Variants in AKT3 observed in about 807,000 individuals in gnomAD.
AKT3 encodes the protein AKT serine/threonine kinase 3.
A neutral mutation model predicts 65.3 loss-of-function variants in AKT3; 15 were observed. The observed-to-expected ratio is 0.23, with a 90% confidence interval of 0.15 to 0.35. The LOEUF (loss-of-function observed/expected upper bound fraction) is 0.35, where lower values mean the gene tolerates loss of function less well. Among genes scored for constraint, AKT3 ranks in the 10% least tolerant of loss-of-function variants. The pLI is 1.00. For synonymous variants in AKT3, 206 were observed against 183.8 expected (o/e 1.12, Z -0.98); for missense variants, 243 against 576.5 (o/e 0.42, Z 5.92).
rs569786537 is a variant in AKT3, at chr1:243,837,989, TTAAAC to T, written c.46+5131_46+5135del. 5.0e-3 allele frequency among the ~76,000 whole-genome samples: 765 copies of T among 152,270 alleles called. 12 individuals carry two copies. Among genetic ancestry groups the T allele is most frequent in the Non-Finnish European group, 5.6e-3 (382 of 68,004 alleles). ...ACTTGACCATCTATGTAGAAAATCT[TTAAAC>T]TAACATTAATAAGTGAATTTCATGA... On this transcript the variant is annotated intron_variant, in intron 2 of 13. Transcript: ENST00000673466.
At chr1:243,846,114 C>T (rs1695511004) in intron 1 of AKT3, among the ~76,000 whole-genome samples, 1 of 152,072 alleles carries the variant, frequency 6.6e-6, no homozygotes, top group African/African-American at 2.4e-5. Context: ...AGTTCATGTC[C>T]TCAAAAGTTT....
intron 13 of AKT3, among the ~76,000 whole-genome samples, chr1:243,492,190 A>G (rs1666605217): frequency 6.7e-6 from 1 of 149,066 alleles, no homozygotes; most frequent in African/African-American, 2.5e-5. Flanking sequence ...TAGCTGCCAC[A>G]TGGATGCTTT....
At chr1:243,506,337 CTT>C (rs1190530746) in intron 13 of AKT3, among the ~76,000 whole-genome samples, 1 of 152,166 alleles carries the variant, frequency 6.6e-6, no homozygotes, top group African/African-American at 2.4e-5. Context: ...ATACTCAACC[CTT>C]TTCTCTTCAA....
chr1:243,652,252 G>A (rs1396233531), intron 4 of AKT3, among the ~76,000 whole-genome samples: 1 of 151,998 alleles, frequency 6.6e-6, no homozygotes, highest in Non-Finnish European at 1.5e-5. Flanking sequence ...GTTTTGCCAT[G>A]TTGGCCAGGC....
intron 2 of AKT3, among the ~76,000 whole-genome samples, chr1:243,761,253 A>G (rs1689473767): frequency 6.6e-6 from 1 of 152,204 alleles, no homozygotes; most frequent in Non-Finnish European, 1.5e-5. Context: ...ATAAAACTAT[A>G]CAAGAGACAT....
In AKT3 at chr1:243,499,831, A is replaced by G; in HGVS notation, c.*5418T>C. ...ATAAATGATTTACAAAGAGATATTT[A>G]CATTCATCTGGTTTAGACTTAATAT... is the stretch of plus-strand genomic sequence containing the variant. On this transcript the variant is annotated 3_prime_UTR_variant, in exon 14 of 14. Coordinates refer to ENST00000673466, the MANE Select transcript of AKT3 (RefSeq NM_005465.7). The G allele has an allele frequency of 6.3e-7, 1 of 1,586,784 alleles. No homozygotes were observed.
At chr1:243,613,409 T>G (rs1411381658) in intron 8 of AKT3, among the ~76,000 whole-genome samples, 2 of 152,046 alleles carry the variant, frequency 1.3e-5, no homozygotes, top group Non-Finnish European at 2.9e-5. Flanking sequence ...AAATCATACT[T>G]CTGTTAAAAC....
intron 13 of AKT3, among the ~76,000 whole-genome samples, chr1:243,494,331 CCT>C (rs1463939381): frequency 6.6e-6 from 1 of 152,052 alleles, no homozygotes; most frequent in Non-Finnish European, 1.5e-5. Flanking sequence ...TAAAGTTTGC[CCT>C]GATTCTTTCA....
chr1:243,551,282 C>G (rs1673044217), intron 11 of AKT3, among the ~76,000 whole-genome samples: 1 of 152,086 alleles, frequency 6.6e-6, no homozygotes, highest in South Asian at 2.1e-4. Flanking sequence ...CCCAACAAGG[C>G]TCCTGAAAAA....
At chr1:243,623,081 CT>C (rs1179623737) in intron 6 of AKT3, among the ~76,000 whole-genome samples, 1 of 152,194 alleles carries the variant, frequency 6.6e-6, no homozygotes, top group African/African-American at 2.4e-5. Context: ...AATATTCTGC[CT>C]GGTCAGAGTA....
At chr1:243,674,995 G>A (rs904471884) in intron 3 of AKT3, among the ~76,000 whole-genome samples, 3 of 152,048 alleles carry the variant, frequency 2.0e-5, no homozygotes, top group African/African-American at 4.8e-5. Context: ...TTTGGAGTCC[G>A]CAGTGTCTAT....
chr1:243,652,246 T>G (rs1337234979), intron 4 of AKT3, among the ~76,000 whole-genome samples: 4 of 151,904 alleles, frequency 2.6e-5, no homozygotes, highest in Non-Finnish European at 5.9e-5. Context: ...GTTGGGGTTT[T>G]GCCATGTTGG....
At position 243,674,538 on chromosome 1, in the gene AKT3, C is replaced by T. The variant is rs1683370310; in HGVS notation, c.173-9655G>A. On this transcript the variant is annotated intron_variant, in intron 3 of 13. Coordinates refer to ENST00000673466, the MANE Select transcript of AKT3 (RefSeq NM_005465.7). The stretch of plus-strand genomic sequence containing the variant: ...AGGTAGAGGAAAAGTTAAATGACAC[C>T]TCGTAGAAACGATCAGAGAATTCCA... Among the ~76,000 whole-genome samples, 8 of 152,156 alleles carry T rather than the reference C, an allele frequency of 5.3e-5. No homozygotes were observed. In the South Asian group the frequency reaches 1.4e-3, roughly 28 times the overall value.
At chr1:243,709,148 G>A (rs535205047) in intron 2 of AKT3, among the ~76,000 whole-genome samples, 1 of 151,050 alleles carries the variant, frequency 6.6e-6, no homozygotes, top group Non-Finnish European at 1.5e-5. Context: ...CCAGTGGTAT[G>A]ATAGACCTTT....
intron 12 of AKT3, among the ~76,000 whole-genome samples, chr1:243,533,368 A>C (rs150555897): frequency 1.7e-4 from 26 of 152,352 alleles, no homozygotes; most frequent in African/African-American, 5.8e-4. Flanking sequence ...CCATTAAGCT[A>C]TCAGTAAAGA....
rs180882603 is a variant in AKT3 at position 243,536,099 on chromosome 1, G to C, written c.1251+9411C>G. 4.3e-5 allele frequency among the ~76,000 whole-genome samples: 6 copies of C among 140,040 alleles called. No individual in the cohort carries two copies. In the East Asian group the frequency reaches 9.7e-4, roughly 23 times the overall value. 91.9% of individuals were successfully genotyped at this position (140,040 alleles called of 152,430 possible). ...TTTGAATTTTTTCTTGCTGATTTGA[G>C]TTCTTTATAAGATTCTGGGTATTAG... On this transcript the variant is annotated intron_variant, in intron 12 of 13. Coordinates refer to ENST00000673466, the MANE Select transcript of AKT3 (RefSeq NM_005465.7).
At chr1:243,715,238 A>G (rs1015004999) in intron 2 of AKT3, among the ~76,000 whole-genome samples, 1 of 152,110 alleles carries the variant, frequency 6.6e-6, no homozygotes, top group Non-Finnish European at 1.5e-5. Flanking sequence ...AGTACCACTA[A>G]TAATTTTCTA....
chr1:243,829,877 A>T (rs1694395518), intron 2 of AKT3, among the ~76,000 whole-genome samples: 1 of 152,194 alleles, frequency 6.6e-6, no homozygotes, highest in African/African-American at 2.4e-5. Context: ...CTTTAATCGC[A>T]CCGAAGGCCC....
At chr1:243,804,748 G>A (rs1692619770) in intron 2 of AKT3, among the ~76,000 whole-genome samples, 2 of 152,064 alleles carry the variant, frequency 1.3e-5, no homozygotes. Context: ...TCAGGAGGCT[G>A]AGGCAGGAGA....
Sources: gnomAD v4.1 joint callset for allele counts (sites outside exome capture counted in the v4.1 genomes callset) on GRCh38, gnomAD v4.1.1 for gene constraint, MANE v1.5 for transcripts, NCBI Gene and HGNC (gene_info 2026-07-23, HGNC 2026-07-21) for gene names.